The following STK24 variants were observed in gnomAD, a reference collection of about 807,000 sequenced individuals.
The protein encoded by STK24 is serine/threonine kinase 24.
In STK24, 21 loss-of-function variants were observed where a neutral mutation model predicts 55.6. That is an observed-to-expected ratio of 0.38 (90% CI 0.27 to 0.54). STK24 has a LOEUF of 0.54. Among genes scored for constraint, STK24 ranks in the 20% least tolerant of loss-of-function variants. The pLI, the probability that STK24 is intolerant of heterozygous loss-of-function variation, is 0.79. For synonymous variants in STK24, 200 were observed against 215.2 expected, an observed-to-expected ratio of 0.93 and a Z score of 0.62; for missense variants, 383 against 538.4, an observed-to-expected ratio of 0.71 and a Z score of 2.86.
intron 1 of STK24, among the ~76,000 whole-genome samples, chr13:98,572,339 C>T (rs1897764274): frequency 6.6e-6 from 1 of 152,190 alleles, no homozygotes; most frequent in African/African-American, 2.4e-5. Flanking sequence ...CTCGGATGTC[C>T]TGACTGTCCA....
intron 2 of STK24, among the ~76,000 whole-genome samples, chr13:98,516,607 C>T (rs1896068794): frequency 6.6e-6 from 1 of 152,154 alleles, no homozygotes; most frequent in South Asian, 2.1e-4. Flanking sequence ...GCCCTACGTC[C>T]AGGCCTGGGC....
chr13:98,539,874 A>C (rs1256973019), intron 1 of STK24, among the ~76,000 whole-genome samples: 1 of 152,194 alleles, frequency 6.6e-6, no homozygotes, highest in Non-Finnish European at 1.5e-5. Flanking sequence ...CTCCATTCCC[A>C]AGAGAACAGG....
At chr13:98,477,924 T>C (rs140491568) in intron 3 of STK24, among the ~76,000 whole-genome samples, 58 of 152,292 alleles carry the variant, frequency 3.8e-4, no homozygotes, top group African/African-American at 1.1e-3. Context: ...GGCTCTGTGA[T>C]GACTGTCTGC....
In STK24 at chr13:98,448,391, T is replaced by C. The variant is rs1166366650; in HGVS notation, c.*4782A>G. The C allele has an allele frequency of 1.3e-5, 15 of 1,186,976 alleles. No individual in the cohort carries two copies. Among genetic ancestry groups the C allele is most frequent in the Non-Finnish European group, 1.8e-5 (14 of 794,170 alleles). The allele number at this position is 1,186,976 out of a possible 1,614,324, so 73.5% of individuals were successfully genotyped here. On this transcript the variant is annotated 3_prime_UTR_variant, in exon 11 of 11. Transcript: ENST00000539966. The stretch of plus-strand genomic sequence containing the variant: ...TCCTTTCTTCTGTATTAATGAAGCC[T>C]GGTAAAATTAACACCTGTCTGAAAA...
intron 6 of STK24, among the ~76,000 whole-genome samples, chr13:98,465,935 G>A (rs1462892696): frequency 6.6e-6 from 1 of 152,212 alleles, no homozygotes; most frequent in African/African-American, 2.4e-5. Context: ...AGCACAGAGG[G>A]TGGCTTGGTT....
intron 1 of STK24, among the ~76,000 whole-genome samples, chr13:98,572,390 T>C (rs1332146353): frequency 6.6e-6 from 1 of 151,864 alleles, no homozygotes; most frequent in Non-Finnish European, 1.5e-5. Context: ...GTGCAGATGG[T>C]AACAGGGTAA....
rs535456123 is a variant in STK24 at position 98,505,770 on chromosome 13, G to A, written c.273+13473C>T. Among the ~76,000 whole-genome samples, 10 of 152,286 alleles carry A rather than the reference G, an allele frequency of 6.6e-5. No homozygotes were observed. In the South Asian group the frequency reaches 2.1e-3, roughly 32 times the overall value. ...CTAACTAACTGCACAGCTAGCAAAA[G>A]TATTTATGTATGTTCTATTATATAT... is the stretch of plus-strand genomic sequence containing the variant. On this transcript the variant is annotated intron_variant, in intron 2 of 10. Transcript: ENST00000539966.
chr13:98,451,043 C>T lies in STK24; in HGVS notation c.*2130G>A, dbSNP rs1177801475. The T allele has an allele frequency of 6.6e-6, 1 of 152,180 alleles. No homozygotes were observed. The highest frequency in any genetic ancestry group is 1.9e-4 in the East Asian group (1 of 5,196). 9.4% of individuals were successfully genotyped at this position (152,180 alleles called of 1,614,324 possible). A position where few individuals can be genotyped will look rare whatever the true frequency, so the allele number is the denominator to read the frequency against. ...TTTGTCTGGCGACTGCAGAGACTCC[C>T]CGTTCATACCAGTATTCATTAGAAC... On this transcript the variant is annotated 3_prime_UTR_variant, in exon 11 of 11. Coordinates refer to ENST00000539966, the MANE Select transcript of STK24 (RefSeq NM_001032296.4).
chr13:98,492,652 C>T (rs1019708546), intron 2 of STK24, among the ~76,000 whole-genome samples: 22 of 152,158 alleles, frequency 1.4e-4, no homozygotes, highest in Non-Finnish European at 2.5e-4. Flanking sequence ...AAGAAAACAA[C>T]CCCACAATTT....
intron 2 of STK24, among the ~76,000 whole-genome samples, chr13:98,500,544 G>C (rs892970468): frequency 8.5e-5 from 13 of 152,174 alleles, no homozygotes; most frequent in African/African-American, 3.1e-4. Context: ...AAACTCATGA[G>C]ACCAGGTGGC....
At chr13:98,557,387 C>T (rs1897309875) in intron 1 of STK24, among the ~76,000 whole-genome samples, 2 of 152,232 alleles carry the variant, frequency 1.3e-5, no homozygotes, top group Admixed American at 1.3e-4. Context: ...TCATCAGCCC[C>T]AAGGACTTGG....
At chr13:98,497,766 G>T (rs1187074278) in intron 2 of STK24, among the ~76,000 whole-genome samples, 1 of 152,246 alleles carries the variant, frequency 6.6e-6, no homozygotes, top group Non-Finnish European at 1.5e-5. Context: ...CCCTGGCGCA[G>T]AGCTGGGTGG....
intron 2 of STK24, among the ~76,000 whole-genome samples, chr13:98,510,251 T>G (rs1895837174): frequency 6.6e-6 from 1 of 152,164 alleles, no homozygotes; most frequent in African/African-American, 2.4e-5. Context: ...CTCAGACCAT[T>G]ATGCGTGAGC....
At chr13:98,560,315 G>A (rs1375929774) in intron 1 of STK24, among the ~76,000 whole-genome samples, 1 of 152,160 alleles carries the variant, frequency 6.6e-6, no homozygotes, top group African/African-American at 2.4e-5. Flanking sequence ...CTTTATACAA[G>A]GAATGTATTA....
chr13:98,540,067 T>C (rs1229505349), intron 1 of STK24, among the ~76,000 whole-genome samples: 3 of 152,246 alleles, frequency 2.0e-5, no homozygotes, highest in South Asian at 2.1e-4. Context: ...ACAAGCTGCG[T>C]TGCGAGCCCC....
chr13:98,481,676 T>G (rs1894586657), intron 3 of STK24, among the ~76,000 whole-genome samples: 1 of 152,212 alleles, frequency 6.6e-6, no homozygotes, highest in African/African-American at 2.4e-5. Context: ...GTTGAGATAA[T>G]TCCAGGCATG....
chr13:98,481,132 A>T (rs1894564703), intron 3 of STK24, among the ~76,000 whole-genome samples: 2 of 152,076 alleles, frequency 1.3e-5, no homozygotes, highest in Admixed American at 1.3e-4. Context: ...GATCACAGTG[A>T]CTTCGCTGCA....
At chr13:98,562,663 C>T (rs1419407457) in intron 1 of STK24, among the ~76,000 whole-genome samples, 7 of 152,118 alleles carry the variant, frequency 4.6e-5, no homozygotes, top group Non-Finnish European at 1.0e-4. Flanking sequence ...CGCCTGTAGT[C>T]CCAGCACTTT....
intron 3 of STK24, 50 bp from the exon 4 acceptor site, chr13:98,475,408 A>C: frequency 7.6e-7 from 1 of 1,321,276 alleles, no homozygotes; most frequent in Non-Finnish European, 1.1e-6. Flanking sequence ...TATCTTATGA[A>C]AAGTTTGAGA....
Sources: allele counts gnomAD v4.1 joint callset (sites outside exome capture counted in the v4.1 genomes callset), GRCh38; gene constraint gnomAD v4.1.1; transcripts MANE v1.5; gene names NCBI Gene and HGNC (gene_info 2026-07-23, HGNC 2026-07-21).